Variants in ARID1B observed in about 807,000 individuals in gnomAD.
ARID1B encodes the protein AT-rich interaction domain 1B, also known as AT-rich interactive domain-containing protein 1B.
In ARID1B, 30 loss-of-function variants were observed where a neutral mutation model predicts 212.3. The observed-to-expected ratio is 0.14, with a 90% CI of 0.11 to 0.19. The LOEUF (loss-of-function observed/expected upper bound fraction) is 0.19, where lower values mean the gene tolerates loss of function less well. Among genes scored for constraint, ARID1B ranks in the 10% least tolerant of loss-of-function variants. ARID1B has a pLI of 1.00. For synonymous variants in ARID1B, 1,402 were observed against 1,301.7 expected (o/e 1.08, Z -1.66); for missense variants, 2,891 against 3,204.0 (o/e 0.90, Z 2.36).
At chr6:156,823,481 G>A (rs1327661786) in intron 1 of ARID1B, among the ~76,000 whole-genome samples, 2 of 152,282 alleles carry the variant, frequency 1.3e-5, no homozygotes, top group South Asian at 2.1e-4. Flanking sequence ...AGCTGCAGAC[G>A]TGAATAAACA....
At chr6:156,792,706 G>A (rs2115213295) in intron 1 of ARID1B, among the ~76,000 whole-genome samples, 1 of 152,300 alleles carries the variant, frequency 6.6e-6, no homozygotes, top group Admixed American at 6.5e-5. Context: ...TGAAATTTAT[G>A]AGTGCTTTTG....
At chr6:156,908,281 T>C (rs1789571416) in intron 3 of ARID1B, among the ~76,000 whole-genome samples, 1 of 152,194 alleles carries the variant, frequency 6.6e-6, no homozygotes, top group African/African-American at 2.4e-5. Context: ...AGTATTGCTA[T>C]ATATATATTC....
chr6:157,164,715 A>G (rs528141674), intron 8 of ARID1B: 2 of 152,308 alleles, frequency 1.3e-5, no homozygotes, highest in Non-Finnish European at 2.9e-5. Flanking sequence ...GAACCAAGAC[A>G]TGCGTAAATT....
chr6:157,004,907 T>TTTTTTTG (rs1562542335), intron 4 of ARID1B, among the ~76,000 whole-genome samples: 6 of 109,986 alleles, frequency 5.5e-5, no homozygotes, highest in Non-Finnish European at 9.0e-5. Flanking sequence ...CTTTTTTTTT[T>TTTTTTTG]TTTTTTTTTT....
At chr6:156,859,175 G>A (rs529908547) in intron 2 of ARID1B, among the ~76,000 whole-genome samples, 4 of 152,138 alleles carry the variant, frequency 2.6e-5, no homozygotes, top group South Asian at 4.1e-4. Context: ...TGCAGTGGCC[G>A]CAATTTCAGC....
At chr6:156,809,549 C>T (rs1206277718) in intron 1 of ARID1B, among the ~76,000 whole-genome samples, 1 of 151,870 alleles carries the variant, frequency 6.6e-6, no homozygotes, top group Non-Finnish European at 1.5e-5. Context: ...ACTTAATAAA[C>T]AGGATTTTAG....
At chr6:156,980,797 G>C (rs1328886306) in intron 4 of ARID1B, among the ~76,000 whole-genome samples, 2 of 152,178 alleles carry the variant, frequency 1.3e-5, no homozygotes, top group Non-Finnish European at 1.5e-5. Context: ...ATGTACCCAG[G>C]AGCTCAGATT....
chr6:156,847,342 T>G (rs950443627), intron 2 of ARID1B, among the ~76,000 whole-genome samples: 1 of 151,908 alleles, frequency 6.6e-6, no homozygotes, highest in Non-Finnish European at 1.5e-5. Flanking sequence ...CATGTAAGGG[T>G]GGGGTGGCCT....
chr6:157,180,656 G>T (rs1422133184), intron 11 of ARID1B, among the ~76,000 whole-genome samples: 1 of 152,112 alleles, frequency 6.6e-6, no homozygotes, highest in Non-Finnish European at 1.5e-5. Context: ...ATAACATGAG[G>T]TGTCACTGGA....
intron 4 of ARID1B, among the ~76,000 whole-genome samples, chr6:157,070,502 T>C (rs888765512): frequency 5.3e-5 from 8 of 152,226 alleles, no homozygotes; most frequent in Non-Finnish European, 7.3e-5. Flanking sequence ...TGTGCTTTGC[T>C]CAGTTTATAA....
chr6:157,096,865 G>A (rs1785672550), intron 5 of ARID1B, among the ~76,000 whole-genome samples: 1 of 152,244 alleles, frequency 6.6e-6, no homozygotes, highest in African/African-American at 2.4e-5. Context: ...TCTTGAAAAA[G>A]CACTTATTTA....
rs55654545 is a variant in ARID1B at position 156,980,484 on chromosome 6, A to AAAAACAAAACAAAAC, written c.2247+44918_2247+44932dup. ...GGCGACAAGAGCCAACCTACATCTC[A>AAAAACAAAACAAAAC]AAAACAAAACAAAACAAAACAAAAT... On this transcript the variant is annotated intron_variant, in intron 4 of 19. Coordinates refer to ENST00000636930, the MANE Select transcript of ARID1B (RefSeq NM_001374828.1). Among the ~76,000 whole-genome samples, 206 of 151,624 alleles carry AAAAACAAAACAAAAC rather than the reference A, an allele frequency of 1.4e-3. 3 individuals are homozygous for AAAAACAAAACAAAAC. The South Asian group carries it at 0.016, about 12-fold the overall frequency.
intron 6 of ARID1B, among the ~76,000 whole-genome samples, chr6:157,113,410 C>T (rs1343328304): frequency 6.6e-6 from 1 of 152,314 alleles, no homozygotes; most frequent in African/African-American, 2.4e-5. Flanking sequence ...AGAGATTTAA[C>T]TGACTCATAG....
chr6:157,038,078 A>G (rs1006136196), intron 4 of ARID1B, among the ~76,000 whole-genome samples: 9 of 152,178 alleles, frequency 5.9e-5, no homozygotes, highest in African/African-American at 2.2e-4. Flanking sequence ...ATTGGGAGGC[A>G]TTTGCCTTTT....
intron 1 of ARID1B, among the ~76,000 whole-genome samples, chr6:156,790,588 T>C (rs1779943494): frequency 6.6e-6 from 1 of 152,252 alleles, no homozygotes; most frequent in South Asian, 2.1e-4. Context: ...GTATTTATTA[T>C]TGTTGACTGT....
intron 1 of ARID1B, among the ~76,000 whole-genome samples, chr6:156,786,639 C>T (rs559339809): frequency 3.9e-5 from 6 of 152,234 alleles, no homozygotes; most frequent in South Asian, 2.1e-4. Flanking sequence ...ATAGTTATTT[C>T]TTTAAGGTGT....
At chr6:156,964,219 A>G (rs1264608578) in intron 4 of ARID1B, among the ~76,000 whole-genome samples, 2 of 152,266 alleles carry the variant, frequency 1.3e-5, no homozygotes, top group East Asian at 3.8e-4. Context: ...TGACATCAGT[A>G]GTATGTGACT....
At chr6:156,930,909 G>A (rs1174504545) in intron 3 of ARID1B, among the ~76,000 whole-genome samples, 1 of 152,122 alleles carries the variant, frequency 6.6e-6, no homozygotes, top group East Asian at 1.9e-4. Flanking sequence ...TCCAAAGCTA[G>A]GCCAGGCAGA....
intron 4 of ARID1B, among the ~76,000 whole-genome samples, chr6:156,968,379 A>G (rs1008909136): frequency 1.3e-5 from 2 of 152,248 alleles, no homozygotes; most frequent in African/African-American, 4.8e-5. Flanking sequence ...CTTGGGGAAG[A>G]TGAATGCAGA....
Sources: gnomAD v4.1 joint callset for allele counts (sites outside exome capture counted in the v4.1 genomes callset) on GRCh38, gnomAD v4.1.1 for gene constraint, MANE v1.5 for transcripts, NCBI Gene and HGNC (gene_info 2026-07-23, HGNC 2026-07-21) for gene names.